ROBO2: variants seen among roughly 807,000 people sequenced by gnomAD.
ROBO2 encodes the protein roundabout guidance receptor 2.
In ROBO2, 53 loss-of-function variants were observed where a neutral mutation model predicts 160.8. The observed-to-expected ratio is 0.33, with a 90% CI of 0.26 to 0.41. The LOEUF is 0.41. ROBO2 is among the 10% of genes least tolerant of loss of function. The pLI is 1.00. For synonymous variants in ROBO2, 664 were observed against 611.7 expected, an observed-to-expected ratio of 1.09 and a Z score of -1.26; for missense variants, 1,577 against 1,722.4, an observed-to-expected ratio of 0.92 and a Z score of 1.49.
At chr3:77,632,620 G>T (rs1242504101) in intron 23 of ROBO2, 1 of 1,535,606 alleles carries the variant, frequency 6.5e-7, no homozygotes, top group Admixed American at 2.0e-5. Flanking sequence ...AGATAAAGCT[G>T]GTTTTAGGCT....
Position 76,756,531 on chromosome 3 carries a change from TTA to T in ROBO2, c.110-341481_110-341480del, listed in dbSNP as rs2060981376. Among the ~76,000 whole-genome samples, 3 of 151,876 alleles carry T rather than the reference TTA, an allele frequency of 2.0e-5. No individual in the cohort carries two copies. The South Asian group carries it at 6.2e-4, about 31-fold the overall frequency. The stretch of plus-strand genomic sequence containing the variant: ...AGTTTACCTTTCAATAGTCTTATGA[TTA>T]TGTTATTTAAAGATGTTTGGAAGAT... On this transcript the variant is annotated intron_variant, in intron 2 of 26. Transcript: ENST00000487694.
intron 2 of ROBO2, among the ~76,000 whole-genome samples, chr3:75,947,159 T>A (rs534507325): frequency 1.3e-5 from 2 of 152,224 alleles, no homozygotes; most frequent in African/African-American, 4.8e-5. Context: ...CATGAGGAAG[T>A]TTGCAAGTGA....
chr3:77,313,286 T>C (rs552420074), intron 2 of ROBO2, among the ~76,000 whole-genome samples: 21 of 152,364 alleles, frequency 1.4e-4, no homozygotes, highest in African/African-American at 5.0e-4. Context: ...TATATAATGA[T>C]GTTTTGATAC....
At chr3:77,513,054 GC>G (rs2089598293) in intron 5 of ROBO2, among the ~76,000 whole-genome samples, 1 of 151,866 alleles carries the variant, frequency 6.6e-6, no homozygotes, top group African/African-American at 2.4e-5. Flanking sequence ...AAACAAAGGT[GC>G]TTTTGAGATG....
chr3:76,181,649 A>G (rs1306710458), intron 2 of ROBO2, among the ~76,000 whole-genome samples: 1 of 152,188 alleles, frequency 6.6e-6, no homozygotes, highest in African/African-American at 2.4e-5. Flanking sequence ...ATTCCACTGC[A>G]CTATTTAGAA....
chr3:76,659,533 C>T (rs1348036093), intron 2 of ROBO2, among the ~76,000 whole-genome samples: 1 of 152,034 alleles, frequency 6.6e-6, no homozygotes, highest in African/African-American at 2.4e-5. Flanking sequence ...ACTATAATTT[C>T]TCTCAGCTAA....
chr3:77,326,653 G>A (rs192150286), intron 2 of ROBO2, among the ~76,000 whole-genome samples: 5 of 152,202 alleles, frequency 3.3e-5, no homozygotes, highest in Admixed American at 2.6e-4. Flanking sequence ...AATCACAAAG[G>A]TCTGGGGGAA....
intron 2 of ROBO2, among the ~76,000 whole-genome samples, chr3:76,468,889 T>C (rs1482756217): frequency 6.6e-6 from 1 of 152,072 alleles, no homozygotes; most frequent in East Asian, 1.9e-4. Context: ...CCACCACACA[T>C]TTCTCTCTTT....
chr3:75,943,629 G>GA, intron 2 of ROBO2, among the ~76,000 whole-genome samples: 1 of 152,062 alleles, frequency 6.6e-6, no homozygotes, highest in Non-Finnish European at 1.5e-5. Flanking sequence ...GTATAAACAG[G>GA]AAAAAAGAAG....
chr3:76,904,172 A>T (rs542789961), intron 2 of ROBO2, among the ~76,000 whole-genome samples: 9 of 152,270 alleles, frequency 5.9e-5, no homozygotes, highest in African/African-American at 9.6e-5. Flanking sequence ...ATTTTTAAGG[A>T]TTTATTTGTA....
chr3:77,012,591 A>G (rs12629651), intron 2 of ROBO2, among the ~76,000 whole-genome samples: 42,380 of 152,098 alleles, frequency 0.28, 6,570 homozygotes, highest in East Asian at 0.63. Context: ...GGTAAGTTAC[A>G]TGGATGGATA....
intron 2 of ROBO2, among the ~76,000 whole-genome samples, chr3:76,484,820 A>G (rs138322445): frequency 2.6e-5 from 4 of 152,278 alleles, no homozygotes; most frequent in Non-Finnish European, 5.9e-5. Flanking sequence ...AAATTTTTAA[A>G]AAAGAATAAA....
chr3:75,944,740 T>C (rs914492569), intron 2 of ROBO2, among the ~76,000 whole-genome samples: 3 of 152,230 alleles, frequency 2.0e-5, no homozygotes, highest in Non-Finnish European at 2.9e-5. Context: ...TGAACTGTTT[T>C]GGATTTTCAT....
intron 2 of ROBO2, among the ~76,000 whole-genome samples, chr3:76,864,420 C>T (rs768195607): frequency 2.6e-5 from 4 of 151,904 alleles, no homozygotes; most frequent in Admixed American, 6.6e-5. Context: ...ATTATTCCAC[C>T]GACATCACAG....
intron 2 of ROBO2, among the ~76,000 whole-genome samples, chr3:76,531,830 A>T (rs17014319): frequency 0.073 from 11,052 of 152,106 alleles, 1,288 homozygotes; most frequent in African/African-American, 0.24. Context: ...AATGTATTTT[A>T]TGCACCAGGA....
intron 2 of ROBO2, among the ~76,000 whole-genome samples, chr3:76,393,377 A>C: frequency 6.6e-6 from 1 of 152,294 alleles, no homozygotes; most frequent in Middle Eastern, 3.4e-3. Context: ...ATATCTTAAT[A>C]AATAAAATTT....
At chr3:76,609,727 T>C (rs2087937959) in intron 2 of ROBO2, among the ~76,000 whole-genome samples, 1 of 152,236 alleles carries the variant, frequency 6.6e-6, no homozygotes, top group Non-Finnish European at 1.5e-5. Context: ...TCTTCTCTGA[T>C]TGCTTTAGCT....
At chr3:76,096,799 A>T (rs1346068462) in intron 2 of ROBO2, among the ~76,000 whole-genome samples, 1 of 152,218 alleles carries the variant, frequency 6.6e-6, no homozygotes, top group Non-Finnish European at 1.5e-5. Context: ...ACAACAATGT[A>T]ACTATGTAAC....
At chr3:75,960,936 A>G (rs1001417025) in intron 2 of ROBO2, among the ~76,000 whole-genome samples, 7 of 151,770 alleles carry the variant, frequency 4.6e-5, no homozygotes, top group African/African-American at 1.7e-4. Flanking sequence ...ATACTTAACT[A>G]TCATTGACAA....
Sources: gnomAD v4.1 joint callset for allele counts (sites outside exome capture counted in the v4.1 genomes callset) on GRCh38, gnomAD v4.1.1 for gene constraint, MANE v1.5 for transcripts, NCBI Gene and HGNC (gene_info 2026-07-23, HGNC 2026-07-21) for gene names.